CTNNA2: variants seen among roughly 807,000 people sequenced by gnomAD.
CTNNA2 encodes catenin alpha 2.
In CTNNA2, 42 loss-of-function variants were observed where a neutral mutation model predicts 101.0. The ratio of observed to expected loss-of-function variants is 0.42; its 90% CI spans 0.32 to 0.54. CTNNA2 has a LOEUF of 0.54. Ranked by LOEUF, CTNNA2 falls within the 20% of genes least tolerant of loss-of-function variation. The pLI is 0.14. For missense variants in CTNNA2, 871 were observed against 1,223.1 expected (o/e 0.71, Z 4.29); for synonymous variants, 450 against 456.4 (o/e 0.99, Z 0.18).
chr2:79,247,863 G>C (rs924841369), intron 2 of CTNNA2, among the ~76,000 whole-genome samples: 4 of 152,208 alleles, frequency 2.6e-5, no homozygotes, highest in African/African-American at 9.6e-5. Flanking sequence ...TGCAGTTCTA[G>C]AAGCTGAAAA....
intron 7 of CTNNA2, among the ~76,000 whole-genome samples, chr2:79,926,919 T>G (rs1413575532): frequency 6.6e-6 from 1 of 151,944 alleles, no homozygotes; most frequent in East Asian, 1.9e-4. Flanking sequence ...TAGATATGAG[T>G]TAGGTTTTCA....
At chr2:80,445,894 G>A (rs1458103211) in intron 9 of CTNNA2, among the ~76,000 whole-genome samples, 1 of 152,098 alleles carries the variant, frequency 6.6e-6, no homozygotes, top group Non-Finnish European at 1.5e-5. Flanking sequence ...TCAAAGCCTG[G>A]CTTCGTCTCT....
Position 79,874,303 on chromosome 2 carries a change from G to A in CTNNA2, c.813G>A (p.Thr271=), listed in dbSNP as rs774807323. 5.0e-6 allele frequency: 8 copies of A among 1,613,946 alleles called. No individual in the cohort carries two copies. Among genetic ancestry groups the A allele is most frequent in the East Asian group, 4.5e-5 (2 of 44,874 alleles). ...CCACTGACGAAGCCAAGGGCCACACGGGCATCGGCGAGCTGGCTGCGGCTC... is the reference window on the plus strand; with the variant it reads ...CCACTGACGAAGCCAAGGGCCACACAGGCATCGGCGAGCTGGCTGCGGCTC... The part of the protein sequence containing the change: ...TSPTDEAKGH[T]GIGELAAALN... Residue 271 remains threonine, a synonymous_variant, in exon 6 of 19, where the codon ACG becomes ACA. Transcript: ENST00000402739.
At chr2:80,418,607 C>G (rs1490816553) in intron 8 of CTNNA2, among the ~76,000 whole-genome samples, 1 of 152,148 alleles carries the variant, frequency 6.6e-6, no homozygotes, top group Non-Finnish European at 1.5e-5. Context: ...TGGGTGTCAT[C>G]CTATCAAGAG....
At chr2:79,568,656 A>G (rs1018265338) in intron 1 of CTNNA2, among the ~76,000 whole-genome samples, 5 of 152,062 alleles carry the variant, frequency 3.3e-5, no homozygotes, top group African/African-American at 1.2e-4. Flanking sequence ...CAGGTTTATA[A>G]TTAAAGAATT....
At chr2:79,428,410 A>T (rs1212060491) in intron 4 of CTNNA2, among the ~76,000 whole-genome samples, 1 of 152,098 alleles carries the variant, frequency 6.6e-6, no homozygotes, top group Admixed American at 6.6e-5. Context: ...AAAGACGAGA[A>T]TAAGCAGAAA....
intron 7 of CTNNA2, among the ~76,000 whole-genome samples, chr2:80,385,857 TC>T (rs749354688): frequency 1.3e-5 from 2 of 152,156 alleles, no homozygotes; most frequent in Non-Finnish European, 2.9e-5. Context: ...TATGTCTCCT[TC>T]CTAATAATTC....
chr2:80,550,121 T>C (rs1158218412), intron 11 of CTNNA2, among the ~76,000 whole-genome samples: 1 of 152,206 alleles, frequency 6.6e-6, no homozygotes, highest in African/African-American at 2.4e-5. Context: ...AAAATGCCAA[T>C]TGCAATAAGG....
intron 4 of CTNNA2, among the ~76,000 whole-genome samples, chr2:79,385,382 G>A (rs184158378): frequency 2.6e-5 from 4 of 152,198 alleles, no homozygotes; most frequent in African/African-American, 9.6e-5. Context: ...TCCAGCAACA[G>A]TAGACCACTT....
chr2:79,398,859 A>AAAAG (rs779723829), intron 4 of CTNNA2, among the ~76,000 whole-genome samples: 6,600 of 151,938 alleles, frequency 0.043, 474 homozygotes, highest in African/African-American at 0.15. Context: ...TAAAAAAAAA[A>AAAAG]AAAGAAAAAA....
rs1573917763 is a variant in CTNNA2, at chr2:80,387,776, A to T, written c.1057-5435A>T. ...GAAATTTATTCCCTTTGCTCTCATGAATTCAAGCCATGGATCTTCCCCAAA... is the reference window on the plus strand; with the variant it reads ...GAAATTTATTCCCTTTGCTCTCATGTATTCAAGCCATGGATCTTCCCCAAA... On this transcript the variant is annotated intron_variant, in intron 7 of 18. Transcript: ENST00000402739. Among the ~76,000 whole-genome samples, 3 of 152,276 alleles carry T rather than the reference A, an allele frequency of 2.0e-5. No homozygotes were observed. The East Asian group carries it at 5.8e-4, about 29-fold the overall frequency.
Position 80,439,610 on chromosome 2 carries a change from G to A in CTNNA2, c.1290+20009G>A, listed in dbSNP as rs908596449. On this transcript the variant is annotated intron_variant, in intron 9 of 18. Coordinates refer to ENST00000402739, the MANE Select transcript of CTNNA2 (RefSeq NM_001282597.3). ...GAGAAGAGGTTTTGCCACGTTGGCCGGGCTGGTCTTGAATTCCTGGCCTCA... is the reference window on the plus strand; with the variant it reads ...GAGAAGAGGTTTTGCCACGTTGGCCAGGCTGGTCTTGAATTCCTGGCCTCA... 5.3e-5 allele frequency among the ~76,000 whole-genome samples: 8 copies of A among 152,120 alleles called. No homozygotes were observed. The East Asian group carries it at 1.4e-3, about 26-fold the overall frequency.
At chr2:80,471,171 C>T (rs1303535489) in intron 9 of CTNNA2, among the ~76,000 whole-genome samples, 1 of 152,140 alleles carries the variant, frequency 6.6e-6, no homozygotes, top group African/African-American at 2.4e-5. Flanking sequence ...TTCTGACTCC[C>T]ATGTCAGAAA....
chr2:80,474,143 A>G (rs1685530074), intron 9 of CTNNA2, among the ~76,000 whole-genome samples: 1 of 152,218 alleles, frequency 6.6e-6, no homozygotes, highest in Non-Finnish European at 1.5e-5. Context: ...TATTTTTAAA[A>G]ATCTATGTTT....
At chr2:80,251,494 T>C (rs571231999) in intron 7 of CTNNA2, among the ~76,000 whole-genome samples, 2 of 152,182 alleles carry the variant, frequency 1.3e-5, no homozygotes, top group South Asian at 4.1e-4. Context: ...TTAAACTGTG[T>C]AATGAAAAAG....
At chr2:80,129,889 A>T (rs556764342) in intron 7 of CTNNA2, among the ~76,000 whole-genome samples, 11 of 152,204 alleles carry the variant, frequency 7.2e-5, no homozygotes, top group Non-Finnish European at 1.6e-4. Context: ...AGTGCAAGTA[A>T]CCTCAGAACT....
intron 4 of CTNNA2, among the ~76,000 whole-genome samples, chr2:79,461,238 T>G (rs1439250487): frequency 6.6e-6 from 1 of 152,262 alleles, no homozygotes; most frequent in Non-Finnish European, 1.5e-5. Context: ...GAAACTTGTC[T>G]GTATCATTTA....
In CTNNA2 at chr2:79,816,241, T is replaced by C. The variant is rs111805475; in HGVS notation, c.299-41772T>C. ...TTCCTCTTTACTGATTTGGATGCTC[T>C]TTATTTCTTTCTCTTGTCTGGTTGC... On this transcript the variant is annotated intron_variant, in intron 3 of 18. Coordinates refer to ENST00000402739, the MANE Select transcript of CTNNA2 (RefSeq NM_001282597.3). Among the ~76,000 whole-genome samples the C allele has an allele frequency of 7.2e-4, 110 of 152,272 alleles. 1 individual carries two copies. Among genetic ancestry groups the C allele is most frequent in the African/African-American group, 2.6e-3 (108 of 41,578 alleles).
intron 1 of CTNNA2, among the ~76,000 whole-genome samples, chr2:79,645,705 A>G (rs926933915): frequency 6.6e-6 from 1 of 152,224 alleles, no homozygotes. Flanking sequence ...ATTGCAAAGA[A>G]GAAAAACCAT....
Sources: gnomAD v4.1 joint callset for allele counts (sites outside exome capture counted in the v4.1 genomes callset) on GRCh38, gnomAD v4.1.1 for gene constraint, MANE v1.5 for transcripts, NCBI Gene and HGNC (gene_info 2026-07-23, HGNC 2026-07-21) for gene names.